ADGRL3: variants seen among roughly 807,000 people sequenced by gnomAD.
ADGRL3 encodes calcium-independent alpha-latrotoxin receptor 3.
ADGRL3 carries 62 observed loss-of-function variants against 153.5 expected under a neutral mutation model. The observed-to-expected ratio is 0.40, with a 90% CI of 0.33 to 0.50. ADGRL3 has a LOEUF of 0.50. Among genes scored for constraint, ADGRL3 ranks in the 20% least tolerant of loss-of-function variants. The pLI, the probability that ADGRL3 is intolerant of heterozygous loss-of-function variation, is 0.47. For synonymous variants in ADGRL3, 710 were observed against 672.5 expected, an observed-to-expected ratio of 1.06 and a Z score of -0.86; for missense variants, 1,641 against 1,859.4, an observed-to-expected ratio of 0.88 and a Z score of 2.16.
At chr4:61,412,271 A>G (rs2097096761) in intron 2 of ADGRL3, among the ~76,000 whole-genome samples, 1 of 151,948 alleles carries the variant, frequency 6.6e-6, no homozygotes, top group Non-Finnish European at 1.5e-5. Flanking sequence ...TTTTTTTCAT[A>G]GGGACAGGGT....
At chr4:61,651,472 C>G (rs1319255518) in intron 5 of ADGRL3, among the ~76,000 whole-genome samples, 1 of 152,090 alleles carries the variant, frequency 6.6e-6, no homozygotes, top group Non-Finnish European at 1.5e-5. Flanking sequence ...AAATATATCC[C>G]AAGTGGTAAT....
At chr4:61,965,348 G>T (rs1234718069) in intron 17 of ADGRL3, among the ~76,000 whole-genome samples, 1 of 152,068 alleles carries the variant, frequency 6.6e-6, no homozygotes, top group African/African-American at 2.4e-5. Flanking sequence ...AAGTGATAAA[G>T]TTAGAAAACT....
chr4:61,955,997 G>A (rs180896012), intron 17 of ADGRL3, among the ~76,000 whole-genome samples: 1 of 152,086 alleles, frequency 6.6e-6, no homozygotes, highest in East Asian at 1.9e-4. Context: ...CAGTAAACAT[G>A]CATGTGCATG....
intron 17 of ADGRL3, among the ~76,000 whole-genome samples, chr4:61,977,799 A>C (rs1326879847): frequency 6.6e-6 from 1 of 152,040 alleles, no homozygotes; most frequent in Non-Finnish European, 1.5e-5. Flanking sequence ...ATTTTTTTTC[A>C]ATATTTATTT....
At chr4:61,567,827 T>C (rs1011465443) in intron 4 of ADGRL3, among the ~76,000 whole-genome samples, 5 of 152,190 alleles carry the variant, frequency 3.3e-5, no homozygotes, top group Admixed American at 3.3e-4. Flanking sequence ...CAATTTGTAC[T>C]ATTATCAGAT....
chr4:61,891,208 GA>G (rs78985111), intron 9 of ADGRL3, among the ~76,000 whole-genome samples: 9 of 151,718 alleles, frequency 5.9e-5, no homozygotes, highest in Admixed American at 2.6e-4. Context: ...TGATTAGAAA[GA>G]AAAAAATAGA....
intron 9 of ADGRL3, among the ~76,000 whole-genome samples, chr4:61,841,153 T>C (rs985141325): frequency 2.0e-5 from 3 of 152,136 alleles, no homozygotes; most frequent in African/African-American, 7.2e-5. Context: ...ATCCCTACTC[T>C]ACCCTCTCCT....
At chr4:61,298,706 A>T (rs1317093620) in intron 1 of ADGRL3, among the ~76,000 whole-genome samples, 1 of 152,198 alleles carries the variant, frequency 6.6e-6, no homozygotes, top group Non-Finnish European at 1.5e-5. Flanking sequence ...AGAGTTCTTT[A>T]CTTCTGTAGT....
At chr4:61,465,979 A>G (rs1247067238) in intron 2 of ADGRL3, among the ~76,000 whole-genome samples, 3 of 151,716 alleles carry the variant, frequency 2.0e-5, no homozygotes, top group Non-Finnish European at 4.4e-5. Context: ...AACATTAGCT[A>G]GACGTGGCAG....
intron 2 of ADGRL3, among the ~76,000 whole-genome samples, chr4:61,464,902 A>G (rs2097861405): frequency 6.6e-6 from 1 of 152,164 alleles, no homozygotes. Context: ...TTCAACAGGC[A>G]CATTAGTCAG....
At chr4:61,416,081 A>G (rs185386543) in intron 2 of ADGRL3, among the ~76,000 whole-genome samples, 7 of 152,110 alleles carry the variant, frequency 4.6e-5, no homozygotes, top group African/African-American at 1.7e-4. Flanking sequence ...AATATAGAAT[A>G]TAGTTTTTTA....
rs1719834847 is a variant in ADGRL3 at position 62,028,083 on chromosome 4, A to G, written c.3396-772A>G. Among the ~76,000 whole-genome samples the G allele has an allele frequency of 2.0e-5, 3 of 151,782 alleles. No homozygotes were observed. In the South Asian group the frequency reaches 6.2e-4, roughly 31 times the overall value. On this transcript the variant is annotated intron_variant, in intron 21 of 26. Coordinates refer to ENST00000683033, the MANE Select transcript of ADGRL3 (RefSeq NM_001387552.1). ...GAAACTATCTTGCCTCTGGCAAGAG[A>G]GAAGAGAAAGGAACAGTTTCTCTTC...
At chr4:61,542,586 T>C (rs2098695379) in intron 4 of ADGRL3, among the ~76,000 whole-genome samples, 2 of 152,288 alleles carry the variant, frequency 1.3e-5, no homozygotes, top group South Asian at 2.1e-4. Context: ...TGTAAGTACA[T>C]TTTATCTGCC....
intron 1 of ADGRL3, among the ~76,000 whole-genome samples, chr4:61,329,129 C>A (rs2095521875): frequency 1.3e-5 from 2 of 152,092 alleles, no homozygotes; most frequent in Non-Finnish European, 2.9e-5. Flanking sequence ...TCCTTCTGAG[C>A]AGCTAGATGA....
At chr4:61,892,565 T>C in intron 9 of ADGRL3, 91 bp from the exon 10 acceptor site, 1 of 926,536 alleles carries the variant, frequency 1.1e-6, no homozygotes, top group Non-Finnish European at 1.7e-6. Flanking sequence ...CTTTGAACTG[T>C]CAAATAAAAA....
At chr4:61,921,915 A>C (rs2098771561) in intron 13 of ADGRL3, among the ~76,000 whole-genome samples, 1 of 152,184 alleles carries the variant, frequency 6.6e-6, no homozygotes, top group South Asian at 2.1e-4. Flanking sequence ...CAGGATCACA[A>C]GCTAGATTTG....
chr4:61,766,885 G>A (rs13124285), intron 8 of ADGRL3, among the ~76,000 whole-genome samples: 3 of 152,138 alleles, frequency 2.0e-5, no homozygotes, highest in African/African-American at 7.2e-5. Flanking sequence ...TTTGGTTGAT[G>A]AGGCGCAGAT....
intron 13 of ADGRL3, 77 bp downstream of exon 13, chr4:61,912,834 A>C: frequency 7.7e-6 from 10 of 1,305,690 alleles, no homozygotes; most frequent in Non-Finnish European, 1.1e-5. Flanking sequence ...CACCTGATAG[A>C]AAAATGATAA....
At chr4:61,895,186 G>T (rs1038378079) in intron 10 of ADGRL3, among the ~76,000 whole-genome samples, 3 of 152,036 alleles carry the variant, frequency 2.0e-5, no homozygotes, top group African/African-American at 7.2e-5. Context: ...AACAGTCCTC[G>T]GCTGGACACG....
Sources: allele counts gnomAD v4.1 joint callset (sites outside exome capture counted in the v4.1 genomes callset), GRCh38; gene constraint gnomAD v4.1.1; transcripts MANE v1.5; gene names NCBI Gene and HGNC (gene_info 2026-07-23, HGNC 2026-07-21).